BRIP1: variants seen among roughly 807,000 people sequenced by gnomAD.
BRIP1 encodes Fanconi anemia group J protein.
A neutral mutation model predicts 119.7 loss-of-function variants in BRIP1; 88 were observed. That is an observed-to-expected ratio of 0.74 (90% confidence interval 0.62 to 0.88). BRIP1 has a LOEUF of 0.88. Ranked by LOEUF, BRIP1 falls within the 40% of genes least tolerant of loss-of-function variation. The probability of loss-of-function intolerance (pLI) is 0.00; values close to 1 mark genes in which losing one functional copy is unlikely to be tolerated. For missense variants in BRIP1, 1,259 were observed against 1,455.4 expected, an observed-to-expected ratio of 0.87 and a Z score of 2.20; for synonymous variants, 443 against 496.5, an observed-to-expected ratio of 0.89 and a Z score of 1.43.
intron 16 of BRIP1, among the ~76,000 whole-genome samples, chr17:61,718,354 TC>T (rs2061915665): frequency 6.6e-6 from 1 of 152,172 alleles, no homozygotes; most frequent in Non-Finnish European, 1.5e-5. Flanking sequence ...AAGGTGAAAC[TC>T]TACTGATGAT....
chr17:61,744,570 G>A lies in BRIP1; in HGVS notation c.2119C>T (p.Arg707Cys), dbSNP rs764803896. ...SYKLLEKLKE[R>C]WLSTGLWHNL... The stretch of plus-strand genomic sequence containing the variant: ...TGCCATAAACCAGTAGAGAGCCAAC[G>A]TTCTTTTAATTTTTCTAATAACTAA... Residue 707 changes from arginine (R) to cysteine (C), a missense_variant, in exon 15 of 20, where the codon CGT becomes TGT. Arg to Cys is a radical substitution (Grantham distance 180, BLOSUM62 -3). This residue lies in a region of BRIP1 where 753 missense variants were observed against 891.8 expected (regional missense o/e 0.84). Transcript: ENST00000259008. This position sits in a 1 kb window ranked among gnomAD's most constrained non-coding sequence, Gnocchi z 5.0. 2.0e-5 allele frequency: 33 copies of A among 1,613,288 alleles called. No homozygotes were observed. The highest frequency in any genetic ancestry group is 2.5e-5 in the Non-Finnish European group (30 of 1,179,578).
intron 18 of BRIP1, among the ~76,000 whole-genome samples, chr17:61,692,011 T>G (rs942071356): frequency 6.6e-6 from 1 of 151,914 alleles, no homozygotes; most frequent in Non-Finnish European, 1.5e-5. Context: ...ATGCTTTGGT[T>G]ATTTGTTTCC....
At chr17:61,714,571 TGTTCCC>T (rs1383873985) in intron 17 of BRIP1, among the ~76,000 whole-genome samples, 2 of 152,216 alleles carry the variant, frequency 1.3e-5, no homozygotes, top group African/African-American at 4.8e-5. Flanking sequence ...CATTTTATAA[TGTTCCC>T]ACAACAATAC....
At position 61,687,864 on chromosome 17, in the gene BRIP1, T is replaced by A. The variant is rs1344342809; in HGVS notation, c.2576-1699A>T. On this transcript the variant is annotated intron_variant, in intron 18 of 19. Coordinates refer to ENST00000259008, the MANE Select transcript of BRIP1 (RefSeq NM_032043.3). The surrounding 1 kb of genome is among the most constrained non-coding windows in gnomAD (Gnocchi z 5.1). ...AGAAAAGAGAAAACTGGACCTTATG[T>A]CTTTTTCTGGGAGGCTGCCCCAGGG... is the stretch of plus-strand genomic sequence containing the variant. 6.6e-6 allele frequency among the ~76,000 whole-genome samples: 1 copy of A among 152,164 alleles called. No individual in the cohort carries two copies. Among genetic ancestry groups the A allele is most frequent in the Non-Finnish European group, 1.5e-5 (1 of 68,022 alleles).
chr17:61,829,157 T>C (rs2078452366), intron 6 of BRIP1, among the ~76,000 whole-genome samples: 1 of 152,076 alleles, frequency 6.6e-6, no homozygotes. Context: ...GAAGAGGTTG[T>C]CAGATTGGAT....
chr17:61,715,223 T>A (rs1047388156), intron 17 of BRIP1, among the ~76,000 whole-genome samples: 1 of 150,942 alleles, frequency 6.6e-6, no homozygotes, highest in Non-Finnish European at 1.5e-5. Flanking sequence ...TAATAATAAT[T>A]AATTATTTTA....
rs867957952 is a variant in BRIP1 at position 61,844,027 on chromosome 17, G to A, written c.627+3074C>T. 1.3e-4 allele frequency among the ~76,000 whole-genome samples: 19 copies of A among 151,828 alleles called. No homozygotes were observed. Among genetic ancestry groups the A allele is most frequent in the African/African-American group, 4.3e-4 (18 of 41,416 alleles). On this transcript the variant is annotated intron_variant, in intron 6 of 19. Transcript: ENST00000259008. This position sits in a 1 kb window ranked among gnomAD's most constrained non-coding sequence, Gnocchi z 4.7. ...ACAGCCTCAATCTTCTGGCTCAAGG[G>A]ATCCCCCTCCCTCAGCCTCCTGAGT...
At chr17:61,707,699 G>A (rs7214703) in intron 17 of BRIP1, among the ~76,000 whole-genome samples, 51,249 of 151,860 alleles carry the variant, frequency 0.34, 8,848 homozygotes, top group East Asian at 0.49. Context: ...TTGTTTCATG[G>A]AGGCAATATG....
At position 61,827,946 on chromosome 17, in the gene BRIP1, G is replaced by A. The variant is rs898309989; in HGVS notation, c.627+19155C>T. 6.6e-6 allele frequency among the ~76,000 whole-genome samples: 1 copy of A among 152,170 alleles called. No individual in the cohort carries two copies. Among genetic ancestry groups the A allele is most frequent in the African/African-American group, 2.4e-5 (1 of 41,442 alleles). Reference sequence around the variant, plus strand: ...GATGTGGAGAAACTGGAACCCCTGTGCATTGCTGATGGAACTGTAAAATGG... The same window carrying A: ...GATGTGGAGAAACTGGAACCCCTGTACATTGCTGATGGAACTGTAAAATGG... On this transcript the variant is annotated intron_variant, in intron 6 of 19. Coordinates refer to ENST00000259008, the MANE Select transcript of BRIP1 (RefSeq NM_032043.3). The surrounding 1 kb of genome is among the most constrained non-coding windows in gnomAD (Gnocchi z 5.8).
intron 14 of BRIP1, among the ~76,000 whole-genome samples, chr17:61,764,056 CTCCATGTA>C (rs2144875982): frequency 6.6e-6 from 1 of 152,326 alleles, no homozygotes; most frequent in African/African-American, 2.4e-5. Context: ...CCCATTCTGG[CTCCATGTA>C]TCCTCTGCCC....
chr17:61,693,078 T>C lies in BRIP1; in HGVS notation c.2575+352A>G, dbSNP rs774112742. 1.3e-5 allele frequency among the ~76,000 whole-genome samples: 2 copies of C among 152,158 alleles called. No individual in the cohort carries two copies. The highest frequency in any genetic ancestry group is 2.9e-5 in the Non-Finnish European group (2 of 68,016). On this transcript the variant is annotated intron_variant, in intron 18 of 19. Transcript: ENST00000259008. This position sits in a 1 kb window ranked among gnomAD's most constrained non-coding sequence, Gnocchi z 4.2. ...GAAATCCTGCAACATAGATGAACCTTGAGGACATTATGCTAACTGAAATAA... is the reference window on the plus strand; with the variant it reads ...GAAATCCTGCAACATAGATGAACCTCGAGGACATTATGCTAACTGAAATAA...
At chr17:61,727,717 C>T (rs1477876841) in intron 16 of BRIP1, among the ~76,000 whole-genome samples, 1 of 152,012 alleles carries the variant, frequency 6.6e-6, no homozygotes, top group African/African-American at 2.4e-5. Flanking sequence ...GAGCCATGAT[C>T]TCACCACTGC....
In BRIP1 at chr17:61,683,439, C is replaced by A. The variant is rs1285317687; in HGVS notation, c.3607G>T (p.Glu1203Ter). The A allele has an allele frequency of 1.2e-6, 2 of 1,613,606 alleles. No individual in the cohort carries two copies. The highest frequency in any genetic ancestry group is 1.7e-6 in the Non-Finnish European group (2 of 1,179,788). ...TKLNGILHIEESKIDDIDGNV... is the reference protein window; with the variant it reads ...TKLNGILHIE The stretch of plus-strand genomic sequence containing the variant: ...CCATCAATGTCATCAATTTTACTTT[C>A]TTCAATATGCAGAATTCCATTCAAC... The change falls in exon 20 of 20, where the codon GAA (glutamate) becomes TAA (stop). Residue 1203 changes from glutamate (E) to a stop codon, truncating the protein, a stop_gained. Coordinates refer to ENST00000259008, the MANE Select transcript of BRIP1 (RefSeq NM_032043.3). LOFTEE classifies it low-confidence loss of function (END_TRUNC). The surrounding 1 kb of genome is among the most constrained non-coding windows in gnomAD (Gnocchi z 4.7).
At chr17:61,716,422 T>C (rs2061864108) in intron 16 of BRIP1, among the ~76,000 whole-genome samples, 1 of 152,066 alleles carries the variant, frequency 6.6e-6, no homozygotes, top group Admixed American at 6.6e-5. Context: ...TCTTATCCCT[T>C]TATAGTAAAT....
chr17:61,784,147 T>G (rs887099781), intron 11 of BRIP1, 123 bp downstream of exon 11: 1 of 820,988 alleles, frequency 1.2e-6, no homozygotes, highest in Non-Finnish European at 2.0e-6. Context: ...TATAATAATA[T>G]CTATAACACT....
At position 61,683,347 on chromosome 17, in the gene BRIP1, G is replaced by C. The variant is rs1060501734; in HGVS notation, c.3699C>G (p.Asn1233Lys). 6.2e-7 allele frequency: 1 copy of C among 1,611,704 alleles called. No individual in the cohort carries two copies. The highest frequency in any genetic ancestry group is 8.5e-7 in the Non-Finnish European group (1 of 1,178,528). Residue 1233 changes from asparagine to lysine, a missense_variant, in exon 20 of 20, where the codon AAC (asparagine) becomes AAG (lysine). Physicochemically the swap from Asn to Lys is moderately conservative, Grantham distance 94 (BLOSUM62 0). Coordinates refer to ENST00000259008, the MANE Select transcript of BRIP1 (RefSeq NM_032043.3). This position sits in a 1 kb window ranked among gnomAD's most constrained non-coding sequence, Gnocchi z 4.7. Reference protein sequence around the residue: ...LGKTHEIEIKNFKPSPSKNKG... With the variant: ...LGKTHEIEIKKFKPSPSKNKG... ...TATTTTTGGAAGGAGATGGTTTAAA[G>C]TTCTTTATTTCTATTTCATGAGTTT... is the stretch of plus-strand genomic sequence containing the variant.
At chr17:61,763,130 T>C (rs2077301735) in intron 14 of BRIP1, among the ~76,000 whole-genome samples, 1 of 152,184 alleles carries the variant, frequency 6.6e-6, no homozygotes. Flanking sequence ...ATTTGACTAC[T>C]CTAAGTACCT....
In BRIP1 at chr17:61,680,537, T is replaced by G. The variant is rs1269122113; in HGVS notation, c.*2759A>C. ...CTCTGTCGCCCAGGCTGGAGTGCAG[T>G]GGCGCAATCTCGGCTCACTGCAAGC... is the stretch of plus-strand genomic sequence containing the variant. On this transcript the variant is annotated 3_prime_UTR_variant, in exon 20 of 20. Coordinates refer to ENST00000259008, the MANE Select transcript of BRIP1 (RefSeq NM_032043.3). 9.3e-5 allele frequency among the ~76,000 whole-genome samples: 13 copies of G among 140,416 alleles called. No individual in the cohort carries two copies. Among genetic ancestry groups the G allele is most frequent in the Non-Finnish European group, 1.5e-5 (1 of 66,434 alleles). 92.1% of individuals were successfully genotyped at this position (140,416 alleles called of 152,430 possible).
rs2078128702 is a variant in BRIP1, at chr17:61,809,423, AG to A, written c.628-667del. Among the ~76,000 whole-genome samples the A allele has an allele frequency of 6.6e-6, 1 of 152,186 alleles. No homozygotes were observed. Among genetic ancestry groups the A allele is most frequent in the African/African-American group, 2.4e-5 (1 of 41,466 alleles). On this transcript the variant is annotated intron_variant, in intron 6 of 19. Coordinates refer to ENST00000259008, the MANE Select transcript of BRIP1 (RefSeq NM_032043.3). The surrounding 1 kb of genome is among the most constrained non-coding windows in gnomAD (Gnocchi z 5.2). Reference sequence around the variant, plus strand: ...AAACCAATCAGTAAAATTATCATCCAGGGTAGTTTTTCCTGGACAATTTCAC... The same window carrying A: ...AAACCAATCAGTAAAATTATCATCCAGGTAGTTTTTCCTGGACAATTTCAC...
Sources: gnomAD v4.1 joint callset for allele counts (sites outside exome capture counted in the v4.1 genomes callset) on GRCh38, gnomAD v4.1.1 for gene constraint, gnomAD v4.1.1 regional missense constraint, Gnocchi (gnomAD v3.1) non-coding constraint, MANE v1.5 for transcripts, NCBI Gene and HGNC (gene_info 2026-07-23, HGNC 2026-07-21) for gene names.